NUP160: variants seen among roughly 807,000 people sequenced by gnomAD.
The protein encoded by NUP160 is nuclear pore complex protein Nup160.
Under a neutral mutation model 196.9 loss-of-function variants are expected in NUP160, and 94 were observed. That is an observed-to-expected ratio of 0.48 (90% CI 0.40 to 0.57). The LOEUF (loss-of-function observed/expected upper bound fraction) is 0.57. Among genes scored for constraint, NUP160 ranks in the 20% least tolerant of loss-of-function variants. NUP160 has a pLI of 0.00. For synonymous variants in NUP160, 605 were observed against 619.7 expected (o/e 0.98, Z 0.35); for missense variants, 1,638 against 1,748.3 (o/e 0.94, Z 1.13).
chr11:47,815,990 A>G, exon 12 of NUP160: 9 of 1,613,900 alleles, frequency 5.6e-6, no homozygotes, highest in Non-Finnish European at 7.6e-6. Context: ...AGTTCACTCC[A>G]GGAAAGATCC....
At chr11:47,789,420 C>G (rs2097666652) in intron 29 of NUP160, among the ~76,000 whole-genome samples, 1 of 152,132 alleles carries the variant, frequency 6.6e-6, no homozygotes, top group African/African-American at 2.4e-5. Context: ...AATCTAGAGC[C>G]TCGGCTCTTT....
chr11:47,823,832 G>A (rs1851910240), intron 7 of NUP160, among the ~76,000 whole-genome samples: 1 of 151,724 alleles, frequency 6.6e-6, no homozygotes, highest in African/African-American at 2.4e-5. Context: ...ACTGCTCCTG[G>A]CCTTCCTTCC....
chr11:47,794,232 GC>G (rs1278897282), intron 27 of NUP160, among the ~76,000 whole-genome samples: 41 of 152,204 alleles, frequency 2.7e-4, no homozygotes, highest in Non-Finnish European at 5.9e-5. Flanking sequence ...GGTGGCTCAT[GC>G]CTGTGATTCC....
intron 7 of NUP160, among the ~76,000 whole-genome samples, chr11:47,824,269 A>T (rs533676760): frequency 1.6e-4 from 25 of 151,854 alleles, no homozygotes; most frequent in African/African-American, 6.0e-4. Context: ...TCAATTGTAG[A>T]TATCCTAATA....
intron 31 of NUP160, 21 bp from the exon 32 acceptor site, chr11:47,786,575 C>T (rs749862898): frequency 6.8e-7 from 1 of 1,473,754 alleles, no homozygotes; most frequent in East Asian, 2.3e-5. Context: ...AATGGTTCCA[C>T]ACTTGAAAAC....
intron 27 of NUP160, chr11:47,796,386 T>A: frequency 1.9e-6 from 1 of 527,812 alleles, no homozygotes; most frequent in Non-Finnish European, 3.4e-6. Flanking sequence ...CTGTTCTAAA[T>A]GTCTTAAGAA....
At chr11:47,836,940 C>T in exon 6 of NUP160, 1 of 1,613,808 alleles carries the variant, frequency 6.2e-7, no homozygotes, top group Non-Finnish European at 8.5e-7. Flanking sequence ...AAGATGAAGG[C>T]ATCATGCTCC....
At chr11:47,813,350 G>T (rs532794478) in exon 14 of NUP160, 1 of 1,610,932 alleles carries the variant, frequency 6.2e-7, no homozygotes, top group South Asian at 1.1e-5. Flanking sequence ...CTGTCAAAAG[G>T]TTCTCATAAG....
intron 7 of NUP160, among the ~76,000 whole-genome samples, chr11:47,824,140 G>A (rs1028619001): frequency 6.7e-6 from 1 of 148,260 alleles, no homozygotes; most frequent in Non-Finnish European, 1.5e-5. Flanking sequence ...TTTTCATAAT[G>A]GCTGCAGCAT....
At chr11:47,815,877 T>A in intron 12 of NUP160, 69 bp downstream of exon 12, 1 of 1,227,222 alleles carries the variant, frequency 8.1e-7, no homozygotes, top group Non-Finnish European at 1.2e-6. Flanking sequence ...CAGTAATTCC[T>A]CGGTCAGTAC....
intron 23 of NUP160, among the ~76,000 whole-genome samples, chr11:47,799,557 A>AT (rs747018221): frequency 2.0e-4 from 31 of 152,094 alleles, no homozygotes; most frequent in Non-Finnish European, 3.7e-4. Flanking sequence ...ATTTTTATTA[A>AT]TTTTTTGAGA....
At chr11:47,828,943 T>TA (rs2135392078) in intron 7 of NUP160, among the ~76,000 whole-genome samples, 1 of 151,502 alleles carries the variant, frequency 6.6e-6, no homozygotes, top group South Asian at 2.1e-4. Flanking sequence ...CCCACAAAAC[T>TA]AAAAAAATGA....
chr11:47,827,559 A>G (rs1851996436), intron 7 of NUP160, among the ~76,000 whole-genome samples: 1 of 151,910 alleles, frequency 6.6e-6, no homozygotes, highest in African/African-American at 2.4e-5. Flanking sequence ...CAATATAAAA[A>G]TTAGCTGGGC....
chr11:47,779,958 C>T (rs964812053), intron 35 of NUP160, among the ~76,000 whole-genome samples: 1 of 152,202 alleles, frequency 6.6e-6, no homozygotes, highest in Non-Finnish European at 1.5e-5. Context: ...GAACTCCTGA[C>T]CTCTCAGGTA....
intron 31 of NUP160, among the ~76,000 whole-genome samples, chr11:47,786,782 A>C (rs1476619090): frequency 6.6e-6 from 1 of 152,050 alleles, no homozygotes; most frequent in Non-Finnish European, 1.5e-5. Context: ...ATGATGAAAA[A>C]TTCTTTTTTC....
At chr11:47,781,518 C>T (rs985464354) in intron 34 of NUP160, among the ~76,000 whole-genome samples, 6 of 152,070 alleles carry the variant, frequency 3.9e-5, no homozygotes, top group African/African-American at 1.4e-4. Context: ...CACACCTTGA[C>T]CTCCGAAAGT....
At chr11:47,826,525 C>T (rs975379303) in intron 7 of NUP160, among the ~76,000 whole-genome samples, 2 of 151,754 alleles carry the variant, frequency 1.3e-5, no homozygotes, top group Admixed American at 6.6e-5. Context: ...CCTAGAGGTC[C>T]CTGAGACCAT....
Position 47,812,857 on chromosome 11 carries a change from T to C in NUP160, c.1952+25A>G, listed in dbSNP as rs770620645. On this transcript the variant is annotated intron_variant, in intron 15 of 35. Transcript: ENST00000378460. ...AAAATGCTGAATTTCCATTAGGAAA[T>C]GCACTTTACCCTAATTCTCCTTACA... The C allele has an allele frequency of 6.3e-6, 10 of 1,584,340 alleles. No individual in the cohort carries two copies. In the South Asian group the frequency reaches 1.1e-4, roughly 18 times the overall value.
intron 15 of NUP160, among the ~76,000 whole-genome samples, chr11:47,812,677 A>G (rs757034408): frequency 9.2e-5 from 14 of 152,222 alleles, no homozygotes; most frequent in Non-Finnish European, 1.5e-4. Flanking sequence ...TAATTGTTAA[A>G]GCATATTTTA....
Sources: allele counts gnomAD v4.1 joint callset (sites outside exome capture counted in the v4.1 genomes callset), GRCh38; gene constraint gnomAD v4.1.1; transcripts MANE v1.5; gene names NCBI Gene and HGNC (gene_info 2026-07-23, HGNC 2026-07-21).